The following CDIN1 variants were observed in gnomAD, a reference collection of about 807,000 sequenced individuals.
The protein encoded by CDIN1 is CDAN1 interacting nuclease 1.
In CDIN1, 33 loss-of-function variants were observed where a neutral mutation model predicts 45.3. That is an observed-to-expected ratio of 0.73 (90% CI 0.55 to 0.97). The LOEUF is 0.97. Ranked by LOEUF, CDIN1 falls within the 50% of genes least tolerant of loss-of-function variation. CDIN1 has a pLI of 0.00. For missense variants in CDIN1, 303 were observed against 339.4 expected, an observed-to-expected ratio of 0.89 and a Z score of 0.84; for synonymous variants, 118 against 124.4, an observed-to-expected ratio of 0.95 and a Z score of 0.34.
rs1158817058 is a variant in CDIN1 at position 36,809,382 on chromosome 15, G to A, written c.*929G>A. The A allele has an allele frequency of 2.0e-5, 3 of 152,714 alleles. No individual in the cohort carries two copies. The highest frequency in any genetic ancestry group is 6.5e-5 in the Admixed American group (1 of 15,340). 9.5% of individuals were successfully genotyped at this position (152,714 alleles called of 1,614,324 possible). A position where few individuals can be genotyped will look rare whatever the true frequency, so the allele number is the denominator to read the frequency against. ...TATACCATGTAATTATAAAACACTC[G>A]AGTAAGTTCAGCATTAGAAATGTTT... On this transcript the variant is annotated 3_prime_UTR_variant, in exon 11 of 11. Transcript: ENST00000566621.
rs1181385263 is a variant in CDIN1, at chr15:36,661,830, C to CT, written c.346+3926dup. On this transcript the variant is annotated intron_variant, in intron 5 of 10. Transcript: ENST00000566621. ...TAGAAAATCTCTGTTAATGAAAACT[C>CT]TAAGTATAGAAAACTGTTAATGAAA... 1.7e-4 allele frequency among the ~76,000 whole-genome samples: 26 copies of CT among 152,166 alleles called. No individual in the cohort carries two copies. The South Asian group carries it at 1.9e-3, about 11-fold the overall frequency.
chr15:36,738,483 G>A (rs996511956), intron 10 of CDIN1, among the ~76,000 whole-genome samples: 4 of 151,942 alleles, frequency 2.6e-5, no homozygotes, highest in African/African-American at 4.8e-5. Context: ...GCCCTAGATC[G>A]TTCTGCCCCA....
At chr15:36,647,875 T>C (rs2040402701) in intron 3 of CDIN1, among the ~76,000 whole-genome samples, 1 of 149,608 alleles carries the variant, frequency 6.7e-6, no homozygotes, top group African/African-American at 2.5e-5. Flanking sequence ...AGTCTCACTC[T>C]GTCGCCCAGG....
chr15:36,794,082 G>A (rs2054725030), intron 10 of CDIN1, among the ~76,000 whole-genome samples: 11 of 108,002 alleles, frequency 1.0e-4, no homozygotes, highest in Admixed American at 8.6e-4. Flanking sequence ...TTTTTGAGAT[G>A]GAGTCTTGCT....
chr15:36,790,861 C>T (rs573988103), intron 10 of CDIN1, among the ~76,000 whole-genome samples: 11 of 152,154 alleles, frequency 7.2e-5, no homozygotes, highest in Non-Finnish European at 1.5e-4. Flanking sequence ...ACAACAACAA[C>T]TTTAGGTTCG....
chr15:36,741,737 T>G (rs1221037996), intron 10 of CDIN1, among the ~76,000 whole-genome samples: 2 of 152,170 alleles, frequency 1.3e-5, no homozygotes, highest in Non-Finnish European at 2.9e-5. Context: ...TTCTGTGATA[T>G]CTGTGTCCAA....
intron 10 of CDIN1, 107 bp downstream of exon 10, chr15:36,710,068 A>G: frequency 4.3e-6 from 3 of 693,578 alleles, no homozygotes; most frequent in Non-Finnish European, 7.0e-6. Flanking sequence ...CGTTGTTTCT[A>G]GTAAATACAG....
chr15:36,753,949 G>A (rs191017097), intron 10 of CDIN1, among the ~76,000 whole-genome samples: 1 of 152,250 alleles, frequency 6.6e-6, no homozygotes, highest in East Asian at 1.9e-4. Context: ...GGTAATACTG[G>A]AGAAATGCTG....
Position 36,661,430 on chromosome 15 carries a change from A to C in CDIN1, c.346+3525A>C, listed in dbSNP as rs925507291. Among the ~76,000 whole-genome samples, 3 of 151,612 alleles carry C rather than the reference A, an allele frequency of 2.0e-5. No homozygotes were observed. The South Asian group carries it at 6.2e-4, about 32-fold the overall frequency. On this transcript the variant is annotated intron_variant, in intron 5 of 10. Transcript: ENST00000566621. ...CTCTGTTTGGATGTGTTTTTTTTTT[A>C]AAGTCAGTCGTTATATTTTTAACAA...
At chr15:36,585,987 CT>C (rs2037277999) in intron 1 of CDIN1, among the ~76,000 whole-genome samples, 1 of 152,140 alleles carries the variant, frequency 6.6e-6, no homozygotes, top group South Asian at 2.1e-4. Context: ...AACCTGAACT[CT>C]TTTATCATGA....
In CDIN1 at chr15:36,682,783, A is replaced by AG. The variant is rs1566895517; in HGVS notation, c.347-8902_347-8901insG. Among the ~76,000 whole-genome samples the AG allele has an allele frequency of 3.3e-5, 5 of 151,770 alleles. No homozygotes were observed. The South Asian group carries it at 8.3e-4, about 25-fold the overall frequency. On this transcript the variant is annotated intron_variant, in intron 5 of 10. Coordinates refer to ENST00000566621, the MANE Select transcript of CDIN1 (RefSeq NM_001321759.2). The stretch of plus-strand genomic sequence containing the variant: ...AGACCCTGCCAAAAAAAAAAAAAAA[A>AG]AAAGAAAAAAGAAAAGAATGATGTT...
chr15:36,721,183 C>T (rs541953063), intron 10 of CDIN1, among the ~76,000 whole-genome samples: 2 of 152,216 alleles, frequency 1.3e-5, no homozygotes, highest in South Asian at 4.1e-4. Flanking sequence ...AGCCCTTTGT[C>T]AGATGGGTAG....
At chr15:36,783,808 A>G (rs566448834) in intron 10 of CDIN1, among the ~76,000 whole-genome samples, 31 of 152,318 alleles carry the variant, frequency 2.0e-4, no homozygotes, top group African/African-American at 7.5e-4. Flanking sequence ...CACTGCTCAT[A>G]ATGGTGGCAC....
chr15:36,774,908 A>G (rs2054181283), intron 10 of CDIN1, among the ~76,000 whole-genome samples: 1 of 152,244 alleles, frequency 6.6e-6, no homozygotes, highest in Non-Finnish European at 1.5e-5. Flanking sequence ...TATCATAGAA[A>G]GCAAGAAAAA....
Position 36,626,042 on chromosome 15 carries a change from G to A in CDIN1, c.102-18236G>A, listed in dbSNP as rs189912626. 5.9e-4 allele frequency among the ~76,000 whole-genome samples: 89 copies of A among 150,994 alleles called. 1 individual carries two copies. The East Asian group carries it at 9.1e-3, about 15-fold the overall frequency. ...CTTAGAGATTATGTATTTTGTATTG[G>A]GTACATCTCTGTTATTGTCATCAGG... On this transcript the variant is annotated intron_variant, in intron 1 of 10. Transcript: ENST00000566621.
chr15:36,782,247 TTA>T (rs2054371385), intron 10 of CDIN1, among the ~76,000 whole-genome samples: 1 of 152,078 alleles, frequency 6.6e-6, no homozygotes, highest in Non-Finnish European at 1.5e-5. Flanking sequence ...TATAACAAAG[TTA>T]TGTGGCAAAA....
intron 1 of CDIN1, among the ~76,000 whole-genome samples, chr15:36,596,817 C>A (rs1023632414): frequency 1.3e-5 from 2 of 151,800 alleles, no homozygotes; most frequent in Non-Finnish European, 2.9e-5. Flanking sequence ...ACAAAAAAAA[C>A]CCAGAATATG....
intron 5 of CDIN1, among the ~76,000 whole-genome samples, chr15:36,675,179 T>C (rs2041602420): frequency 6.6e-6 from 1 of 152,160 alleles, no homozygotes; most frequent in Non-Finnish European, 1.5e-5. Flanking sequence ...TTCATTTTTA[T>C]TGGTGACTAT....
intron 10 of CDIN1, among the ~76,000 whole-genome samples, chr15:36,805,474 C>T (rs1167261992): frequency 6.6e-6 from 1 of 152,114 alleles, no homozygotes; most frequent in African/African-American, 2.4e-5. Flanking sequence ...CCAGTGATCT[C>T]ATTTTTGTCT....
Sources: gnomAD v4.1 joint callset for allele counts (sites outside exome capture counted in the v4.1 genomes callset) on GRCh38, gnomAD v4.1.1 for gene constraint, MANE v1.5 for transcripts, NCBI Gene and HGNC (gene_info 2026-07-23, HGNC 2026-07-21) for gene names.